The following FAM76A variants were observed in gnomAD, a reference collection of about 807,000 sequenced individuals.
FAM76A encodes the protein protein FAM76A.
Under a neutral mutation model 46.2 loss-of-function variants are expected in FAM76A, and 32 were observed. The observed-to-expected ratio is 0.69, with a 90% CI of 0.52 to 0.93. The LOEUF (loss-of-function observed/expected upper bound fraction) is 0.93. Ranked by LOEUF, FAM76A falls within the 40% of genes least tolerant of loss-of-function variation. The pLI is 0.00. For synonymous variants in FAM76A, 137 were observed against 127.0 expected (o/e 1.08, Z -0.53); for missense variants, 274 against 361.5 (o/e 0.76, Z 1.96).
rs1348989561 is a variant in FAM76A, at chr1:27,761,966, A to G, written c.*1385A>G. 1 of 147,030 alleles carries G rather than the reference A, an allele frequency of 6.8e-6. No homozygotes were observed. Among genetic ancestry groups the G allele is most frequent in the East Asian group, 2.0e-4 (1 of 5,110 alleles). 9.1% of individuals were successfully genotyped at this position (147,030 alleles called of 1,614,324 possible). A position where few individuals can be genotyped will look rare whatever the true frequency, so the allele number is the denominator to read the frequency against. ...GGCAATGGAGTGAGACTCCGTCTCA[A>G]AAAAAAAAAAAAAAGGAATAATATT... On this transcript the variant is annotated 3_prime_UTR_variant, in exon 9 of 9. Coordinates refer to ENST00000373954, the MANE Select transcript of FAM76A (RefSeq NM_152660.3).
In FAM76A at chr1:27,749,128, T is replaced by C. The variant is rs1300464877; in HGVS notation, c.573T>C (p.Phe191=). Residue 191 remains phenylalanine (F), a synonymous_variant, in exon 6 of 9, where the codon TTT becomes TTC. Transcript: ENST00000373954. ...AAATCCCAAAGAAAAAGTCCAAGTT[T>C]GAGTCAATCACAACTAATGGAGACA... ...QNEIPKKKSK[F]ESITTNGDSF... is the part of the protein sequence containing the mutation. 1.2e-6 allele frequency: 2 copies of C among 1,607,074 alleles called. No individual in the cohort carries two copies. The highest frequency in any genetic ancestry group is 2.2e-5 in the South Asian group (2 of 89,308).
Position 27,727,515 on chromosome 1 carries a change from G to A in FAM76A, c.125G>A (p.Arg42Lys). 3 of 1,613,690 alleles carry A rather than the reference G, an allele frequency of 1.9e-6. No individual in the cohort carries two copies. The highest frequency in any genetic ancestry group is 1.7e-6 in the Non-Finnish European group (2 of 1,179,660). ...CCTGTTGTGAAGTGCACCTACTGCA[G>A]GACTGAGTACCAGCAGGAGAGGTAG... ...AHPVVKCTYC[R>K]TEYQQESKTN... Residue 42 changes from arginine (R) to lysine (K), a missense_variant, in exon 2 of 9, where the codon AGG becomes AAG. Transcript: ENST00000373954.
chr1:27,735,814 A>G (rs2088034296), intron 4 of FAM76A, among the ~76,000 whole-genome samples: 1 of 152,358 alleles, frequency 6.6e-6, no homozygotes, highest in South Asian at 2.1e-4. Flanking sequence ...TCAGATAGGT[A>G]TATAAAACAA....
At chr1:27,749,715 A>G (rs1261399778) in intron 6 of FAM76A, among the ~76,000 whole-genome samples, 1 of 152,206 alleles carries the variant, frequency 6.6e-6, no homozygotes, top group Non-Finnish European at 1.5e-5. Flanking sequence ...ATCTCTGCCC[A>G]TATCTTCCTG....
At chr1:27,758,782 T>G (rs1453114141) in intron 7 of FAM76A, among the ~76,000 whole-genome samples, 1 of 150,468 alleles carries the variant, frequency 6.6e-6, no homozygotes, top group Admixed American at 6.7e-5. Context: ...CCTCCCAAAG[T>G]GCTGGGATTA....
intron 4 of FAM76A, among the ~76,000 whole-genome samples, chr1:27,737,887 A>AG (rs1486006196): frequency 6.6e-6 from 1 of 150,422 alleles, no homozygotes; most frequent in Non-Finnish European, 1.5e-5. Flanking sequence ...AAAAAAAAAA[A>AG]AAAAACAGAA....
intron 8 of FAM76A, chr1:27,760,139 T>C: frequency 2.8e-6 from 1 of 362,012 alleles, no homozygotes; most frequent in South Asian, 2.1e-5. Flanking sequence ...AACAGTAGAA[T>C]TATTAAGTAT....
At chr1:27,757,829 T>C (rs2088438924) in intron 7 of FAM76A, among the ~76,000 whole-genome samples, 2 of 152,070 alleles carry the variant, frequency 1.3e-5, no homozygotes, top group South Asian at 4.1e-4. Context: ...ACAAAAAAAT[T>C]AGCTGGGCGT....
intron 6 of FAM76A, among the ~76,000 whole-genome samples, chr1:27,754,962 G>A (rs2088385958): frequency 1.3e-5 from 2 of 152,196 alleles, no homozygotes; most frequent in African/African-American, 4.8e-5. Context: ...AGAAGATGCT[G>A]CAGGGATGCT....
Position 27,726,167 on chromosome 1 carries a change from C to CG in FAM76A, c.81+9dup. 1 of 1,275,618 alleles carries CG rather than the reference C, an allele frequency of 7.8e-7. No individual in the cohort carries two copies. The highest frequency in any genetic ancestry group is 9.9e-7 in the Non-Finnish European group (1 of 1,010,610). The allele number at this position is 1,275,618 out of a possible 1,614,324, so 79.0% of individuals were successfully genotyped here. On this transcript the variant is annotated splice_region_variant and intron_variant, in intron 1 of 8. Coordinates refer to ENST00000373954, the MANE Select transcript of FAM76A (RefSeq NM_152660.3). Reference sequence around the variant, plus strand: ...AGGGGCAGCAGCTGTGCAAGGTGCGCGGGCTGGGGCGGCGGCCGGGAACTG... The same window carrying CG: ...AGGGGCAGCAGCTGTGCAAGGTGCGCGGGGCTGGGGCGGCGGCCGGGAACTG...
At chr1:27,729,082 G>T (rs1322981636) in intron 2 of FAM76A, among the ~76,000 whole-genome samples, 5 of 152,220 alleles carry the variant, frequency 3.3e-5, no homozygotes, top group African/African-American at 1.2e-4. Context: ...GAACTTCTGT[G>T]AGTGTAGGTG....
chr1:27,735,996 C>T (rs1001966853), intron 4 of FAM76A, among the ~76,000 whole-genome samples: 1 of 152,060 alleles, frequency 6.6e-6, no homozygotes, highest in Non-Finnish European at 1.5e-5. Context: ...TGTTCATAAA[C>T]TTTAGGAGAG....
intron 4 of FAM76A, 57 bp from the exon 5 acceptor site, chr1:27,744,597 G>T: frequency 6.3e-7 from 1 of 1,587,760 alleles, no homozygotes; most frequent in Non-Finnish European, 8.6e-7. Flanking sequence ...CCAATACCAC[G>T]TTTGCAGCCA....
rs1185535742 is a variant in FAM76A, at chr1:27,760,907, G to A, written c.*326G>A. 1 of 56,372 alleles carries A rather than the reference G, an allele frequency of 1.8e-5. No homozygotes were observed. Among genetic ancestry groups the A allele is most frequent in the Admixed American group, 1.9e-4 (1 of 5,340 alleles). 3.5% of individuals were successfully genotyped at this position (56,372 alleles called of 1,614,324 possible). A position where few individuals can be genotyped will look rare whatever the true frequency, so the allele number is the denominator to read the frequency against. On this transcript the variant is annotated 3_prime_UTR_variant, in exon 9 of 9. Transcript: ENST00000373954. ...TTTTTTTTTTTTTTTTTTTGTGGTG[G>A]TCACTGCTCAGTGTAATGTGCAGAA...
Position 27,762,071 on chromosome 1 carries a change from AC to A in FAM76A, c.*1492del, listed in dbSNP as rs2088518675. On this transcript the variant is annotated 3_prime_UTR_variant, in exon 9 of 9. Coordinates refer to ENST00000373954, the MANE Select transcript of FAM76A (RefSeq NM_152660.3). ...AGTCTGGGAAAAGTGGTATCACTATACCTTCTCCCCACTCCTCACCCACCCG... is the reference window on the plus strand; with the variant it reads ...AGTCTGGGAAAAGTGGTATCACTATACTTCTCCCCACTCCTCACCCACCCG... 1 of 151,898 alleles carries A rather than the reference AC, an allele frequency of 6.6e-6. No individual in the cohort carries two copies. The highest frequency in any genetic ancestry group is 1.9e-4 in the East Asian group (1 of 5,176). 9.4% of individuals were successfully genotyped at this position (151,898 alleles called of 1,614,324 possible). A position where few individuals can be genotyped will look rare whatever the true frequency, so the allele number is the denominator to read the frequency against.
intron 8 of FAM76A, chr1:27,760,101 G>C (rs1312489940): frequency 2.5e-6 from 1 of 402,990 alleles, no homozygotes; most frequent in Non-Finnish European, 4.9e-6. Context: ...TTTCACTCTT[G>C]GATGTGTTCT....
rs1553179891 is a variant in FAM76A at position 27,759,779 on chromosome 1, G to GTTTTTTGTTTTTT, written c.837+158_837+159insGTTTTTTTTTTTT. 617 of 363,338 alleles carry GTTTTTTGTTTTTT rather than the reference G, an allele frequency of 1.7e-3. 9 individuals are homozygous for GTTTTTTGTTTTTT. The South Asian group carries it at 0.021, about 12-fold the overall frequency. The allele number at this position is 363,338 out of a possible 1,614,324, so 22.5% of individuals were successfully genotyped here. A position where few individuals can be genotyped will look rare whatever the true frequency, so the allele number is the denominator to read the frequency against. On this transcript the variant is annotated intron_variant, in intron 8 of 8. Transcript: ENST00000373954. ...TCCCCCTTTTAGGTTTTTTTTTTTTGTTTTTTTTTTGAGACAGGTTCTCTG... is the reference window on the plus strand; with the variant it reads ...TCCCCCTTTTAGGTTTTTTTTTTTTGTTTTTTGTTTTTTTTTTTTTTTTGAGACAGGTTCTCTG...
chr1:27,731,893 C>T (rs2148566298), intron 2 of FAM76A, among the ~76,000 whole-genome samples: 1 of 152,244 alleles, frequency 6.6e-6, no homozygotes, highest in South Asian at 2.1e-4. Flanking sequence ...GAGGTCTCGG[C>T]TTACTGCAAC....
At chr1:27,732,995 G>A (rs2087985724) in intron 3 of FAM76A, among the ~76,000 whole-genome samples, 2 of 151,742 alleles carry the variant, frequency 1.3e-5, no homozygotes, top group Admixed American at 1.3e-4. Context: ...GAGTGGAATG[G>A]CAGTCAAGTT....
Sources: allele counts gnomAD v4.1 joint callset (sites outside exome capture counted in the v4.1 genomes callset), GRCh38; gene constraint gnomAD v4.1.1; transcripts MANE v1.5; gene names NCBI Gene and HGNC (gene_info 2026-07-23, HGNC 2026-07-21).